GABRG2: variants seen among roughly 807,000 people sequenced by gnomAD.
The protein encoded by GABRG2 is gamma-aminobutyric acid type A receptor subunit gamma2, also known as gamma-aminobutyric acid receptor subunit gamma-2.
A neutral mutation model predicts 56.4 loss-of-function variants in GABRG2; 16 were observed. The ratio of observed to expected loss-of-function variants is 0.28; its 90% CI spans 0.19 to 0.43. GABRG2 has a LOEUF of 0.43. Among genes scored for constraint, GABRG2 ranks in the 20% least tolerant of loss-of-function variants. GABRG2 has a pLI of 1.00. For missense variants in GABRG2, 327 were observed against 582.7 expected, an observed-to-expected ratio of 0.56 and a Z score of 4.52; for synonymous variants, 208 against 205.5, an observed-to-expected ratio of 1.01 and a Z score of -0.10.
chr5:162,118,963 A>G (rs1196639595), intron 6 of GABRG2, among the ~76,000 whole-genome samples: 1 of 152,132 alleles, frequency 6.6e-6, no homozygotes, highest in Non-Finnish European at 1.5e-5. Flanking sequence ...AATGCACTTT[A>G]ACGTAAAGTG....
At chr5:162,072,078 T>C (rs1758718059) in intron 1 of GABRG2, among the ~76,000 whole-genome samples, 1 of 151,992 alleles carries the variant, frequency 6.6e-6, no homozygotes, top group Non-Finnish European at 1.5e-5. Flanking sequence ...CTCTTTCACG[T>C]CCTAGATTCA....
intron 6 of GABRG2, among the ~76,000 whole-genome samples, chr5:162,137,917 A>G (rs1764255420): frequency 6.6e-6 from 1 of 151,398 alleles, no homozygotes; most frequent in Non-Finnish European, 1.5e-5. Flanking sequence ...ACGCCTGGCT[A>G]ATTTTTGGTA....
At chr5:162,121,503 T>C (rs1276456016) in intron 6 of GABRG2, among the ~76,000 whole-genome samples, 1 of 152,000 alleles carries the variant, frequency 6.6e-6, no homozygotes, top group African/African-American at 2.4e-5. Context: ...TTTTGTAGAT[T>C]TTTAGTTAAA....
intron 6 of GABRG2, among the ~76,000 whole-genome samples, chr5:162,113,212 TTACAAGCATGAGCCACCA>T (rs1482900042): frequency 2.0e-5 from 3 of 152,100 alleles, no homozygotes; most frequent in African/African-American, 7.2e-5. Context: ...AGTTCTGGGG[TTACAAGCATGAGCCACCA>T]TGCCCAGCCT....
chr5:162,105,704 A>G (rs891566077), intron 6 of GABRG2, among the ~76,000 whole-genome samples: 4 of 151,906 alleles, frequency 2.6e-5, no homozygotes, highest in Non-Finnish European at 5.9e-5. Context: ...TGCTGGGATT[A>G]CAGGCAAGAG....
intron 8 of GABRG2, chr5:162,150,649 A>G (rs968508543): frequency 1.3e-5 from 2 of 152,168 alleles, no homozygotes; most frequent in Non-Finnish European, 2.9e-5. Context: ...CGCTCTACCT[A>G]TCCAACCCAG....
In GABRG2 at chr5:162,097,704, A is replaced by G. The variant is rs752621588; in HGVS notation, c.394A>G (p.Ile132Val). 5.0e-6 allele frequency: 8 copies of G among 1,613,890 alleles called. No individual in the cohort carries two copies. The highest frequency in any genetic ancestry group is 3.3e-5 in the Admixed American group (2 of 59,976). Residue 132 changes from isoleucine to valine, a missense_variant, in exon 4 of 10, where the codon ATT becomes GTT. Coordinates refer to ENST00000639213, the MANE Select transcript of GABRG2 (RefSeq NM_198904.4). The stretch of plus-strand genomic sequence containing the variant: ...CAGACGTTTGAAATTTAACAGCACC[A>G]TTAAAGTCCTCCGATTGAACAGCAA... ...YDRRLKFNST[I>V]KVLRLNSNMV... is the part of the protein sequence containing the mutation.
chr5:162,140,994 T>C (rs1168165718), intron 6 of GABRG2, among the ~76,000 whole-genome samples: 2 of 152,140 alleles, frequency 1.3e-5, no homozygotes, highest in African/African-American at 4.8e-5. Context: ...TTTCTTAATA[T>C]ATTCTCTGGA....
At chr5:162,111,303 C>T (rs573337621) in intron 6 of GABRG2, among the ~76,000 whole-genome samples, 67 of 152,192 alleles carry the variant, frequency 4.4e-4, no homozygotes, top group African/African-American at 1.5e-3. Flanking sequence ...AAAATGATAA[C>T]CTATTTTCTT....
chr5:162,112,683 T>G (rs1431737458), intron 6 of GABRG2, among the ~76,000 whole-genome samples: 1 of 152,130 alleles, frequency 6.6e-6, no homozygotes, highest in East Asian at 1.9e-4. Flanking sequence ...AAAAGGAGAT[T>G]TTTATGAAGG....
intron 6 of GABRG2, among the ~76,000 whole-genome samples, chr5:162,104,461 C>T (rs1176911793): frequency 6.6e-6 from 1 of 151,972 alleles, no homozygotes; most frequent in Non-Finnish European, 1.5e-5. Flanking sequence ...TAATCTTATC[C>T]ATCAGTGGAT....
chr5:162,121,175 T>A lies in GABRG2; in HGVS notation c.769+17149T>A, dbSNP rs189683129. 2.6e-3 allele frequency among the ~76,000 whole-genome samples: 395 copies of A among 152,268 alleles called. 4 individuals carry two copies. The highest frequency in any genetic ancestry group is 9.1e-3 in the African/African-American group (380 of 41,580). The stretch of plus-strand genomic sequence containing the variant: ...TGAGTCATTCCATTGCATGTCCACA[T>A]ACTTCTGCTGAGTTTAATATTCATC... On this transcript the variant is annotated intron_variant, in intron 6 of 9. Coordinates refer to ENST00000639213, the MANE Select transcript of GABRG2 (RefSeq NM_198904.4).
intron 6 of GABRG2, among the ~76,000 whole-genome samples, chr5:162,118,191 T>C (rs1489252135): frequency 1.4e-5 from 2 of 145,676 alleles, no homozygotes; most frequent in African/African-American, 5.1e-5. Flanking sequence ...TTGCTGTTCA[T>C]AGAGGTTCTG....
intron 6 of GABRG2, among the ~76,000 whole-genome samples, chr5:162,140,153 A>C (rs1031467342): frequency 3.4e-4 from 51 of 152,226 alleles, no homozygotes; most frequent in African/African-American, 1.2e-3. Context: ...TTGATAAAAA[A>C]TTTCTATCTT....
intron 1 of GABRG2, among the ~76,000 whole-genome samples, chr5:162,091,119 A>G (rs1387682724): frequency 6.6e-6 from 1 of 152,044 alleles, no homozygotes; most frequent in Non-Finnish European, 1.5e-5. Flanking sequence ...ATTTATTTAT[A>G]ATGTAGATGG....
chr5:162,134,851 G>C (rs979150920), intron 6 of GABRG2, among the ~76,000 whole-genome samples: 1 of 152,048 alleles, frequency 6.6e-6, no homozygotes, highest in Non-Finnish European at 1.5e-5. Context: ...TCTCCTTCTA[G>C]GGAAAATGAT....
intron 4 of GABRG2, chr5:162,100,276 T>G (rs576246485): frequency 6.6e-6 from 1 of 152,294 alleles, no homozygotes; most frequent in East Asian, 1.9e-4. Flanking sequence ...GAATGATAGA[T>G]TCTTAATTCT....
At chr5:162,068,313 T>G (rs972913252) in intron 1 of GABRG2, among the ~76,000 whole-genome samples, 5 of 152,106 alleles carry the variant, frequency 3.3e-5, no homozygotes, top group Non-Finnish European at 7.4e-5. Flanking sequence ...TATTGGATTT[T>G]ATTTTATTTT....
intron 1 of GABRG2, among the ~76,000 whole-genome samples, chr5:162,092,663 T>A (rs1230258225): frequency 6.6e-6 from 1 of 152,174 alleles, no homozygotes; most frequent in Non-Finnish European, 1.5e-5. Context: ...AGAAAGGTGA[T>A]AAATCTGGCT....
Sources: allele counts gnomAD v4.1 joint callset (sites outside exome capture counted in the v4.1 genomes callset), GRCh38; gene constraint gnomAD v4.1.1; transcripts MANE v1.5; gene names NCBI Gene and HGNC (gene_info 2026-07-23, HGNC 2026-07-21).